MPDZ: variants seen among roughly 807,000 people sequenced by gnomAD.
MPDZ encodes multiple PDZ domain protein.
MPDZ carries 234 observed loss-of-function variants against 239.1 expected under a neutral mutation model. The ratio of observed to expected loss-of-function variants is 0.98; its 90% CI spans 0.88 to 1.09. The LOEUF (loss-of-function observed/expected upper bound fraction) is 1.09, where lower values mean the gene tolerates loss of function less well. MPDZ is among the 50% of genes least tolerant of loss of function. MPDZ has a pLI of 0.00. For synonymous variants in MPDZ, 1,048 were observed against 881.3 expected (o/e 1.19, Z -3.35); for missense variants, 3,175 against 2,510.0 (o/e 1.26, Z -5.66).
intron 3 of MPDZ, among the ~76,000 whole-genome samples, chr9:13,225,348 G>A (rs1471805850): frequency 6.6e-6 from 1 of 151,640 alleles, no homozygotes; most frequent in Admixed American, 6.6e-5. Context: ...TTTTTTACCT[G>A]TCCTTAAAAA....
chr9:13,192,061 T>C (rs1406741157), intron 15 of MPDZ, 70 bp downstream of exon 15: 1 of 1,302,494 alleles, frequency 7.7e-7, no homozygotes, highest in East Asian at 2.7e-5. Flanking sequence ...GAAAAATGCT[T>C]AAAAAATTTT....
At chr9:13,152,912 T>G (rs765459539) in intron 24 of MPDZ, among the ~76,000 whole-genome samples, 4 of 152,154 alleles carry the variant, frequency 2.6e-5, no homozygotes, top group East Asian at 1.9e-4. Flanking sequence ...TAAGGTGATT[T>G]GCAGTGAGGT....
At chr9:13,176,047 C>A in intron 20 of MPDZ, 89 bp downstream of exon 20, 1 of 1,445,016 alleles carries the variant, frequency 6.9e-7, no homozygotes, top group Non-Finnish European at 9.2e-7. Context: ...AAGAAGCACT[C>A]ATTCCAAATG....
chr9:13,256,885 T>C (rs1969571103), intron 1 of MPDZ, among the ~76,000 whole-genome samples: 1 of 152,136 alleles, frequency 6.6e-6, no homozygotes, highest in African/African-American at 2.4e-5. Flanking sequence ...AAACCATCAA[T>C]TTATTTAAAA....
At chr9:13,198,405 G>A (rs1202634170) in intron 12 of MPDZ, among the ~76,000 whole-genome samples, 4 of 152,162 alleles carry the variant, frequency 2.6e-5, no homozygotes, top group East Asian at 3.9e-4. Flanking sequence ...TTTGAGGAAT[G>A]TCTATTCAGA....
intron 1 of MPDZ, among the ~76,000 whole-genome samples, chr9:13,265,653 T>A (rs990807858): frequency 6.6e-6 from 1 of 152,172 alleles, no homozygotes; most frequent in South Asian, 2.1e-4. Flanking sequence ...CTGGTCTCTG[T>A]TAGAACCTAC....
At chr9:13,167,858 A>G (rs913280059) in intron 22 of MPDZ, among the ~76,000 whole-genome samples, 6 of 152,114 alleles carry the variant, frequency 3.9e-5, no homozygotes, top group African/African-American at 1.4e-4. Context: ...AACAGACCAT[A>G]TCAACATATT....
Position 13,126,520 on chromosome 9 carries a change from T to G in MPDZ, c.4628A>C (p.Glu1543Ala), listed in dbSNP as rs750567022. 6 of 1,558,380 alleles carry G rather than the reference T, an allele frequency of 3.9e-6. No individual in the cohort carries two copies. The highest frequency in any genetic ancestry group is 1.9e-5 in the Admixed American group (1 of 51,558). The change falls in exon 34 of 47, where the codon GAA (glutamate) becomes GCA (alanine). Residue 1543 changes from glutamate (E) to alanine (A), a missense_variant. Transcript: ENST00000319217. ...DDEIVVGYPI[E>A]KFISLLKTAK... ...TACTTTATTTTGGAAAATTACCTTT[T>G]CAATAGGGTAACCAACAACAATTTC... is the stretch of plus-strand genomic sequence containing the variant.
chr9:13,168,987 C>T (rs759427718), intron 21 of MPDZ, among the ~76,000 whole-genome samples: 114 of 152,074 alleles, frequency 7.5e-4, no homozygotes, highest in Non-Finnish European at 1.2e-3. Context: ...CCGCTATTAC[C>T]TTAATTCTTT....
intron 3 of MPDZ, among the ~76,000 whole-genome samples, chr9:13,236,603 C>A (rs984189217): frequency 6.6e-6 from 1 of 151,494 alleles, no homozygotes; most frequent in Middle Eastern, 3.2e-3. Context: ...TTTATAAACT[C>A]GTTTTCTTCT....
At chr9:13,201,538 G>C (rs555228480) in intron 12 of MPDZ, among the ~76,000 whole-genome samples, 1 of 151,972 alleles carries the variant, frequency 6.6e-6, no homozygotes, top group South Asian at 2.1e-4. Flanking sequence ...GTCTCCTTCA[G>C]GAGTCCCTAT....
In MPDZ at chr9:13,233,445, A is replaced by C. The variant is rs189023719; in HGVS notation, c.184-8862T>G. Among the ~76,000 whole-genome samples, 357 of 152,272 alleles carry C rather than the reference A, an allele frequency of 2.3e-3. 2 individuals carry two copies. Among genetic ancestry groups the C allele is most frequent in the African/African-American group, 8.2e-3 (341 of 41,566 alleles). On this transcript the variant is annotated intron_variant, in intron 3 of 46. Transcript: ENST00000319217. ...TATGCTCAGACTGTATTTACATAAAATTCAAATAGTAATACTTATCTCCGA... is the reference window on the plus strand; with the variant it reads ...TATGCTCAGACTGTATTTACATAAACTTCAAATAGTAATACTTATCTCCGA...
intron 19 of MPDZ, among the ~76,000 whole-genome samples, 157 bp downstream of exon 19, chr9:13,183,261 G>A (rs546386676): frequency 6.6e-6 from 1 of 152,060 alleles, no homozygotes; most frequent in Admixed American, 6.6e-5. Context: ...ACCAACATTA[G>A]CTAAATGAAA....
At chr9:13,108,630 C>A (rs74977103) in intron 46 of MPDZ, among the ~76,000 whole-genome samples, 6 of 151,804 alleles carry the variant, frequency 4.0e-5, no homozygotes, top group Non-Finnish European at 8.8e-5. Context: ...TTTCAAAAGA[C>A]GATCATGTGC....
At chr9:13,233,943 G>C (rs1454036788) in intron 3 of MPDZ, among the ~76,000 whole-genome samples, 1 of 152,146 alleles carries the variant, frequency 6.6e-6, no homozygotes, top group Admixed American at 6.6e-5. Context: ...CCCATTCCCA[G>C]AAGGAGTCCT....
chr9:13,248,206 T>A (rs1383191763), intron 2 of MPDZ, among the ~76,000 whole-genome samples: 32 of 142,662 alleles, frequency 2.2e-4, no homozygotes, highest in Admixed American at 2.0e-3. Flanking sequence ...CCAGCCTGGG[T>A]GACAGAGTGA....
Position 13,236,247 on chromosome 9 carries a change from G to GTATATATATA in MPDZ, c.183+11387_183+11388insTATATATATA, listed in dbSNP as rs1362734880. On this transcript the variant is annotated intron_variant, in intron 3 of 46. Transcript: ENST00000319217. ...TGTGTATATGTATATGTGTGTGTGT[G>GTATATATATA]TGTATATATATATATATATATTTTT... is the stretch of plus-strand genomic sequence containing the variant. Among the ~76,000 whole-genome samples, 31 of 17,120 alleles carry GTATATATATA rather than the reference G, an allele frequency of 1.8e-3. 2 individuals carry two copies. The highest frequency in any genetic ancestry group is 2.8e-3 in the South Asian group (1 of 362). The allele number at this position is 17,120 out of a possible 152,430, so 11.2% of individuals were successfully genotyped here.
intron 1 of MPDZ, among the ~76,000 whole-genome samples, chr9:13,254,455 A>T (rs544133929): frequency 6.6e-6 from 1 of 152,342 alleles, no homozygotes; most frequent in African/African-American, 2.4e-5. Flanking sequence ...GAGAATTAAG[A>T]ATACACAGTA....
At chr9:13,118,181 A>T (rs1943786377) in intron 39 of MPDZ, among the ~76,000 whole-genome samples, 1 of 152,128 alleles carries the variant, frequency 6.6e-6, no homozygotes, top group South Asian at 2.1e-4. Flanking sequence ...AAAATTATTT[A>T]CATTGTTTTA....
Sources: allele counts gnomAD v4.1 joint callset (sites outside exome capture counted in the v4.1 genomes callset), GRCh38; gene constraint gnomAD v4.1.1; transcripts MANE v1.5; gene names NCBI Gene and HGNC (gene_info 2026-07-23, HGNC 2026-07-21).